NTN5: variants seen among roughly 807,000 people sequenced by gnomAD.
The protein encoded by NTN5 is netrin 5.
A neutral mutation model predicts 38.7 loss-of-function variants in NTN5; 42 were observed. The ratio of observed to expected loss-of-function variants is 1.08; its 90% confidence interval spans 0.85 to 1.40. The LOEUF is 1.40. NTN5 is among the 40% of genes most tolerant of loss of function. NTN5 has a pLI of 0.00. For missense variants in NTN5, 658 were observed against 716.5 expected (o/e 0.92, Z 0.93); for synonymous variants, 329 against 303.9 (o/e 1.08, Z -0.86).
chr19:48,669,706 T>C (rs867216098), intron 2 of NTN5, among the ~76,000 whole-genome samples: 70 of 39,890 alleles, frequency 1.8e-3, no homozygotes, highest in East Asian at 8.5e-3. Context: ...ATCATCACCA[T>C]CACCACCATC....
In NTN5 at chr19:48,670,416, G is replaced by A; in HGVS notation, c.571C>T (p.Pro191Ser). The change falls in exon 2 of 7, where the codon CCG becomes TCG. Residue 191 changes from proline (P) to serine (S), a missense_variant. Pro to Ser is a moderately conservative substitution (Grantham distance 74). Coordinates refer to ENST00000270235, the MANE Select transcript of NTN5 (RefSeq NM_145807.4). ...TTGPGCESCR[P>S]SHRDWPWRPA... ...CGCCAGGGCCAGTCTCGATGGGACG[G>A]GCGGCAGCTCTCGCACCCCGGGCCA... The A allele has an allele frequency of 6.9e-7, 1 of 1,446,426 alleles. No homozygotes were observed. Among genetic ancestry groups the A allele is most frequent in the African/African-American group, 1.5e-5 (1 of 67,986 alleles). The allele number at this position is 1,446,426 out of a possible 1,614,324, so 89.6% of individuals were successfully genotyped here. A position where few individuals can be genotyped will look rare whatever the true frequency, so the allele number is the denominator to read the frequency against.
Position 48,670,343 on chromosome 19 carries a change from G to A in NTN5, c.631+13C>T, listed in dbSNP as rs1215202445. 3.6e-6 allele frequency: 5 copies of A among 1,403,360 alleles called. No homozygotes were observed. The highest frequency in any genetic ancestry group is 4.6e-6 in the Non-Finnish European group (5 of 1,079,202). 86.9% of individuals were successfully genotyped at this position (1,403,360 alleles called of 1,614,324 possible). ...CAGGCAAAGGCAGGGAGAGTGAGGGGCGCAGGACTCACGTAGGCAAGGGTG... is the reference window on the plus strand; with the variant it reads ...CAGGCAAAGGCAGGGAGAGTGAGGGACGCAGGACTCACGTAGGCAAGGGTG... On this transcript the variant is annotated intron_variant, in intron 2 of 6. Coordinates refer to ENST00000270235, the MANE Select transcript of NTN5 (RefSeq NM_145807.4).
intron 1 of NTN5, 52 bp from the exon 2 acceptor site, chr19:48,671,058 C>T: frequency 7.3e-7 from 1 of 1,375,280 alleles, no homozygotes; most frequent in East Asian, 2.5e-5. Context: ...AGCCTCTACC[C>T]CTCCTGGAGG....
intron 2 of NTN5, among the ~76,000 whole-genome samples, chr19:48,666,874 G>A (rs73944851): frequency 0.012 from 1,764 of 151,252 alleles, 36 homozygotes; most frequent in African/African-American, 0.041. Flanking sequence ...TTTTAAAGAC[G>A]GGGACTCATT....
intron 4 of NTN5, 110 bp from the exon 5 acceptor site, chr19:48,663,924 C>G: frequency 8.2e-7 from 1 of 1,223,146 alleles, no homozygotes; most frequent in Non-Finnish European, 1.2e-6. Flanking sequence ...TCCTTTAGGA[C>G]TCAAGAGTGC....
In NTN5 at chr19:48,664,181, C is replaced by T; in HGVS notation, c.932G>A (p.Gly311Asp). ...TGLTCNRCGPGYQQSRSPRMP... is the reference protein window; with the variant it reads ...TGLTCNRCGPDYQQSRSPRMP... Reference sequence around the variant, plus strand: ...CCTGGGGGAGCGGCTCTGCTGGTAGCCAGGGCCACAGCGGTTGCAGGTCAG... The same window carrying T: ...CCTGGGGGAGCGGCTCTGCTGGTAGTCAGGGCCACAGCGGTTGCAGGTCAG... Residue 311 changes from glycine to aspartate, a missense_variant, in exon 4 of 7, where the codon GGC becomes GAC. Coordinates refer to ENST00000270235, the MANE Select transcript of NTN5 (RefSeq NM_145807.4). The T allele has an allele frequency of 6.2e-7, 1 of 1,609,348 alleles. No individual in the cohort carries two copies. Among genetic ancestry groups the T allele is most frequent in the South Asian group, 1.1e-5 (1 of 90,232 alleles).
In NTN5 at chr19:48,663,745, T is replaced by C. The variant is rs779121802; in HGVS notation, c.1024+16A>G. ...CCCACTTGCCACTCAGGGACCTCCG[T>C]GCCAGACTGTCTTACCAGAGCTATA... is the stretch of plus-strand genomic sequence containing the variant. On this transcript the variant is annotated intron_variant, in intron 5 of 6. Coordinates refer to ENST00000270235, the MANE Select transcript of NTN5 (RefSeq NM_145807.4). The C allele has an allele frequency of 6.2e-7, 1 of 1,613,582 alleles. No homozygotes were observed. The highest frequency in any genetic ancestry group is 1.1e-5 in the South Asian group (1 of 91,062).
At position 48,669,691 on chromosome 19, in the gene NTN5, CCACCATCAT is replaced by C. The variant is rs2031862870; in HGVS notation, c.631+656_631+664del. ...ATCACCATCATCACCACCATCACCACCACCATCATCACCATCACCACCATCACCACCACC... is the reference window on the plus strand; with the variant it reads ...ATCACCATCATCACCACCATCACCACCACCATCACCACCATCACCACCACC... On this transcript the variant is annotated intron_variant, in intron 2 of 6. Transcript: ENST00000270235. Among the ~76,000 whole-genome samples, 6 of 126,482 alleles carry C rather than the reference CCACCATCAT, an allele frequency of 4.7e-5. No individual in the cohort carries two copies. In the East Asian group the frequency reaches 1.4e-3, roughly 29 times the overall value. 83.0% of individuals were successfully genotyped at this position (126,482 alleles called of 152,430 possible).
chr19:48,670,420 G>A lies in NTN5; in HGVS notation c.567C>T (p.Cys189=), dbSNP rs1224170030. 3 of 1,447,228 alleles carry A rather than the reference G, an allele frequency of 2.1e-6. No homozygotes were observed. Among genetic ancestry groups the A allele is most frequent in the Non-Finnish European group, 2.7e-6 (3 of 1,102,072 alleles). The allele number at this position is 1,447,228 out of a possible 1,614,324, so 89.6% of individuals were successfully genotyped here. Residue 189 remains cysteine, a synonymous_variant, in exon 2 of 7, where the codon TGC becomes TGT. Coordinates refer to ENST00000270235, the MANE Select transcript of NTN5 (RefSeq NM_145807.4). The stretch of plus-strand genomic sequence containing the variant: ...AGGGCCAGTCTCGATGGGACGGGCG[G>A]CAGCTCTCGCACCCCGGGCCAGTGG... ...HHTTGPGCES[C]RPSHRDWPWR...
intron 4 of NTN5, 91 bp from the exon 5 acceptor site, chr19:48,663,905 A>C: frequency 7.5e-7 from 1 of 1,341,512 alleles, no homozygotes; most frequent in Non-Finnish European, 1.1e-6. Context: ...CAAACTCTTA[A>C]GTGTTTATTC....
At chr19:48,669,180 TG>T (rs2031798019) in intron 2 of NTN5, among the ~76,000 whole-genome samples, 1 of 24,774 alleles carries the variant, frequency 4.0e-5, no homozygotes, top group Non-Finnish European at 7.5e-5. Flanking sequence ...ATCACCACCA[TG>T]ACCACCATCA....
intron 2 of NTN5, among the ~76,000 whole-genome samples, chr19:48,665,403 T>C (rs1490653683): frequency 7.0e-6 from 1 of 143,412 alleles, no homozygotes; most frequent in Non-Finnish European, 1.5e-5. Context: ...ACCACTGCAC[T>C]CCAGCCTGGG....
In NTN5 at chr19:48,670,430, C is replaced by T; in HGVS notation, c.557G>A (p.Cys186Tyr). The T allele has an allele frequency of 6.9e-7, 1 of 1,454,370 alleles. No individual in the cohort carries two copies. Among genetic ancestry groups the T allele is most frequent in the South Asian group, 1.5e-5 (1 of 68,474 alleles). 90.1% of individuals were successfully genotyped at this position (1,454,370 alleles called of 1,614,324 possible). The change falls in exon 2 of 7, where the codon TGC (cysteine) becomes TAC (tyrosine). Residue 186 changes from cysteine (C) to tyrosine (Y), a missense_variant. By Grantham distance (194) the Cys-to-Tyr change is radical. Transcript: ENST00000270235. The stretch of plus-strand genomic sequence containing the variant: ...TCGATGGGACGGGCGGCAGCTCTCG[C>T]ACCCCGGGCCAGTGGTATGGTGGCG... ...HCRHHTTGPG[C>Y]ESCRPSHRDW...
chr19:48,662,185 T>G, intron 6 of NTN5, 144 bp from the exon 7 acceptor site: 1 of 907,186 alleles, frequency 1.1e-6, no homozygotes, highest in Non-Finnish European at 1.5e-6. Flanking sequence ...CCTTGAACCT[T>G]GGAGAGTTTG....
At chr19:48,667,237 G>A (rs1026485771) in intron 2 of NTN5, 2 of 167,808 alleles carry the variant, frequency 1.2e-5, no homozygotes, top group African/African-American at 2.4e-5. Flanking sequence ...AGATGAGGGA[G>A]AGGAGATGCA....
rs1490164557 is a variant in NTN5 at position 48,670,478 on chromosome 19, G to A, written c.509C>T (p.Ala170Val). The A allele has an allele frequency of 6.8e-7, 1 of 1,474,564 alleles. No homozygotes were observed. Among genetic ancestry groups the A allele is most frequent in the Non-Finnish European group, 9.0e-7 (1 of 1,113,176 alleles). The allele number at this position is 1,474,564 out of a possible 1,614,324, so 91.3% of individuals were successfully genotyped here. A position where few individuals can be genotyped will look rare whatever the true frequency, so the allele number is the denominator to read the frequency against. ...GCGGCAGTGGCAGCGGGGGGGCCGG[G>A]CACGGGCGGCACAGCGGGCAGCGTG... Reference protein sequence around the residue: ...HGHAARCAARARPPRCHCRHH... With the variant: ...HGHAARCAARVRPPRCHCRHH... Residue 170 changes from alanine (A) to valine (V), a missense_variant, in exon 2 of 7, where the codon GCC becomes GTC. Physicochemically the swap from Ala to Val is moderately conservative, Grantham distance 64. Transcript: ENST00000270235.
intron 6 of NTN5, chr19:48,663,031 T>C: frequency 5.5e-6 from 2 of 365,496 alleles, no homozygotes; most frequent in South Asian, 4.1e-5. Context: ...ATGGAGCAGG[T>C]GTGGACTGGG....
chr19:48,668,977 T>C (rs1198855509), intron 2 of NTN5, among the ~76,000 whole-genome samples: 3 of 133,972 alleles, frequency 2.2e-5, no homozygotes, highest in African/African-American at 5.5e-5. Flanking sequence ...ACCACCATCA[T>C]CACCACTATC....
intron 1 of NTN5, among the ~76,000 whole-genome samples, chr19:48,671,975 A>G (rs1470849729): frequency 6.6e-6 from 1 of 152,038 alleles, no homozygotes; most frequent in South Asian, 2.1e-4. Flanking sequence ...GGGGAAGCAG[A>G]CACCTGGGTT....
Sources: allele counts gnomAD v4.1 joint callset (sites outside exome capture counted in the v4.1 genomes callset), GRCh38; gene constraint gnomAD v4.1.1; transcripts MANE v1.5; gene names NCBI Gene and HGNC (gene_info 2026-07-23, HGNC 2026-07-21).